The following OMA1 variants were observed in gnomAD, a reference collection of about 807,000 sequenced individuals.
OMA1 encodes OMA1 zinc metallopeptidase, also known as metalloendopeptidase OMA1, mitochondrial.
In OMA1, 38 loss-of-function variants were observed where a neutral mutation model predicts 30.9. The ratio of observed to expected loss-of-function variants is 1.23; its 90% CI spans 0.95 to 1.61. OMA1 has a LOEUF of 1.61. Ranked by LOEUF, OMA1 falls within the 40% of genes most tolerant of loss-of-function variation. The pLI, the probability that OMA1 is intolerant of heterozygous loss-of-function variation, is 0.00. For missense variants in OMA1, 461 were observed against 349.2 expected (o/e 1.32, Z -2.55); for synonymous variants, 173 against 121.9 (o/e 1.42, Z -2.76).
chr1:58,490,316 T>G lies in OMA1; in HGVS notation c.1366-9142A>C, dbSNP rs572583100. Among the ~76,000 whole-genome samples the G allele has an allele frequency of 5.3e-5, 8 of 152,342 alleles. No individual in the cohort carries two copies. The South Asian group carries it at 1.7e-3, about 32-fold the overall frequency. ...GAATGCACAAGCCTCAGTAGCCGAT[T>G]CGATCAACTGGAAGAAAAGGTATCA... On this transcript the variant is annotated intron_variant, in intron 8 of 8. Coordinates refer to ENST00000371226, the MANE Select transcript of OMA1 (RefSeq NM_145243.5).
chr1:58,546,375 G>A (rs969964634), intron 1 of OMA1, among the ~76,000 whole-genome samples: 2 of 152,208 alleles, frequency 1.3e-5, no homozygotes, highest in Non-Finnish European at 2.9e-5. Flanking sequence ...CTGAGGGGGA[G>A]GGCAGGCGGC....
At chr1:58,495,054 T>C (rs1012203125) in intron 8 of OMA1, among the ~76,000 whole-genome samples, 5 of 152,002 alleles carry the variant, frequency 3.3e-5, no homozygotes, top group Non-Finnish European at 7.4e-5. Context: ...ATTAAGAAAA[T>C]GTGGCACATA....
chr1:58,528,366 T>C (rs1259848605), intron 6 of OMA1, among the ~76,000 whole-genome samples: 1 of 152,194 alleles, frequency 6.6e-6, no homozygotes, highest in Non-Finnish European at 1.5e-5. Context: ...ATGAAGCTAG[T>C]AACAGTTCCA....
chr1:58,501,739 C>T lies in OMA1; in HGVS notation c.1365+4321G>A, dbSNP rs183224272. 5.5e-3 allele frequency among the ~76,000 whole-genome samples: 837 copies of T among 152,272 alleles called. 5 individuals are homozygous for T. The highest frequency in any genetic ancestry group is 8.1e-3 in the Non-Finnish European group (548 of 68,020). On this transcript the variant is annotated intron_variant, in intron 8 of 8. Coordinates refer to ENST00000371226, the MANE Select transcript of OMA1 (RefSeq NM_145243.5). Reference sequence around the variant, plus strand: ...ATCTCTGCTCACACATAACTGTGTGCTAAGGACTCATGTGTTCCTCTAAAA... The same window carrying T: ...ATCTCTGCTCACACATAACTGTGTGTTAAGGACTCATGTGTTCCTCTAAAA...
At chr1:58,520,023 C>T (rs1156370387) in intron 7 of OMA1, among the ~76,000 whole-genome samples, 1 of 152,072 alleles carries the variant, frequency 6.6e-6, no homozygotes, top group Non-Finnish European at 1.5e-5. Context: ...CATGTTCTCA[C>T]TCATAAGGGG....
At chr1:58,504,651 T>G (rs1200726784) in intron 8 of OMA1, among the ~76,000 whole-genome samples, 1 of 152,208 alleles carries the variant, frequency 6.6e-6, no homozygotes, top group East Asian at 1.9e-4. Flanking sequence ...GAACACAGAA[T>G]AGTAGATTAA....
In OMA1 at chr1:58,500,600, T is replaced by G. The variant is rs371444957; in HGVS notation, c.1365+5460A>C. Among the ~76,000 whole-genome samples the G allele has an allele frequency of 2.6e-5, 4 of 152,230 alleles. No homozygotes were observed. The East Asian group carries it at 7.7e-4, about 29-fold the overall frequency. On this transcript the variant is annotated intron_variant, in intron 8 of 8. Coordinates refer to ENST00000371226, the MANE Select transcript of OMA1 (RefSeq NM_145243.5). ...GAATGAAGTGAATTTGATAAAGATTTTTTTAAGTTTCTGAATAAAGCCAGT... is the reference window on the plus strand; with the variant it reads ...GAATGAAGTGAATTTGATAAAGATTGTTTTAAGTTTCTGAATAAAGCCAGT...
At chr1:58,518,349 A>AAGG (rs1646204855) in intron 7 of OMA1, among the ~76,000 whole-genome samples, 2 of 59,734 alleles carry the variant, frequency 3.3e-5, no homozygotes, top group African/African-American at 1.3e-4. Context: ...AGAAGAGAAG[A>AAGG]GAAGGGAAGG....
intron 8 of OMA1, among the ~76,000 whole-genome samples, chr1:58,504,030 A>T (rs994407829): frequency 3.9e-5 from 6 of 152,168 alleles, no homozygotes; most frequent in Admixed American, 3.3e-4. Context: ...ATCTCCTACC[A>T]GGATTATGAG....
In OMA1 at chr1:58,481,074, T is replaced by C. The variant is rs759625508; in HGVS notation, c.1466A>G (p.Glu489Gly). ...LSTKHFLEES[E>G]KEDLNITKKQ... ...CTTCGTGATATTTAGGTCTTCTTTCTCTGATTCTTCAAGAAAATGCTTCGT... is the reference window on the plus strand; with the variant it reads ...CTTCGTGATATTTAGGTCTTCTTTCCCTGATTCTTCAAGAAAATGCTTCGT... Residue 489 changes from glutamate (E) to glycine (G), a missense_variant, in exon 9 of 9, where the codon GAG (glutamate) becomes GGG (glycine). Transcript: ENST00000371226. The C allele has an allele frequency of 1.1e-5, 10 of 872,024 alleles. No homozygotes were observed. 54.0% of individuals were successfully genotyped at this position (872,024 alleles called of 1,614,324 possible). A position where few individuals can be genotyped will look rare whatever the true frequency, so the allele number is the denominator to read the frequency against.
chr1:58,508,048 T>A lies in OMA1; in HGVS notation c.1216-1839A>T, dbSNP rs1646016931. ...TTAATCAAAAGACAAAATATTTCCCTATTCAATCTCTAAGTAACACAGCTG... is the reference window on the plus strand; with the variant it reads ...TTAATCAAAAGACAAAATATTTCCCAATTCAATCTCTAAGTAACACAGCTG... On this transcript the variant is annotated intron_variant, in intron 7 of 8. Transcript: ENST00000371226. 5.3e-5 allele frequency among the ~76,000 whole-genome samples: 8 copies of A among 152,310 alleles called. 1 individual carries two copies. The South Asian group carries it at 1.7e-3, about 32-fold the overall frequency.
chr1:58,525,868 T>A (rs1336472634), intron 7 of OMA1, among the ~76,000 whole-genome samples: 1 of 151,978 alleles, frequency 6.6e-6, no homozygotes, highest in African/African-American at 2.4e-5. Flanking sequence ...AACAAGCCAA[T>A]GGAACAGAAT....
intron 3 of OMA1, among the ~76,000 whole-genome samples, chr1:58,535,120 A>G (rs1646496068): frequency 6.6e-6 from 1 of 152,194 alleles, no homozygotes; most frequent in South Asian, 2.1e-4. Flanking sequence ...TTGAAAGGAA[A>G]TTACTGAATT....
intron 7 of OMA1, among the ~76,000 whole-genome samples, chr1:58,508,135 C>T (rs1646018136): frequency 6.6e-6 from 1 of 152,130 alleles, no homozygotes; most frequent in South Asian, 2.1e-4. Flanking sequence ...ATTATCCCTA[C>T]AGACTAGAAA....
rs138875607 is a variant in OMA1, at chr1:58,538,942, C to T, written c.353G>A (p.Ser118Asn). Residue 118 changes from serine (S) to asparagine (N), a missense_variant, in exon 2 of 9, where the codon AGT (serine) becomes AAT (asparagine). By Grantham distance (46) the Ser-to-Asn change is conservative. Transcript: ENST00000371226. ...LLIKEVTAVP[S>N]LSVLHPLSPA... is the part of the protein sequence containing the mutation. ...GCTTAGAGGATGCAATACTGACAGA[C>T]TAGGGACTGCTGTAACTTCTTTTAT... The T allele has an allele frequency of 7.1e-5, 62 of 872,868 alleles. No individual in the cohort carries two copies. In the African/African-American group the frequency reaches 9.1e-4, roughly 13 times the overall value. 54.1% of individuals were successfully genotyped at this position (872,868 alleles called of 1,614,324 possible).
intron 8 of OMA1, among the ~76,000 whole-genome samples, chr1:58,482,496 A>G (rs1645504762): frequency 6.6e-6 from 1 of 152,218 alleles, no homozygotes; most frequent in Admixed American, 6.5e-5. Context: ...CTTAATATTT[A>G]GGAGTTTTAA....
At chr1:58,543,953 G>A (rs939897862) in intron 1 of OMA1, among the ~76,000 whole-genome samples, 2 of 152,162 alleles carry the variant, frequency 1.3e-5, no homozygotes, top group African/African-American at 2.4e-5. Flanking sequence ...TTTTAACTCA[G>A]TTAAATGGCC....
chr1:58,524,977 G>A (rs1038893779), intron 7 of OMA1, among the ~76,000 whole-genome samples: 1 of 152,152 alleles, frequency 6.6e-6, no homozygotes, highest in Non-Finnish European at 1.5e-5. Context: ...GCAACAGGAA[G>A]TGAATACAAA....
chr1:58,509,819 T>C (rs967909076), intron 7 of OMA1, among the ~76,000 whole-genome samples: 1 of 151,888 alleles, frequency 6.6e-6, no homozygotes, highest in African/African-American at 2.4e-5. Context: ...CAGCATACCA[T>C]TGTAACTGAT....
Sources: gnomAD v4.1 joint callset for allele counts (sites outside exome capture counted in the v4.1 genomes callset) on GRCh38, gnomAD v4.1.1 for gene constraint, MANE v1.5 for transcripts, NCBI Gene and HGNC (gene_info 2026-07-23, HGNC 2026-07-21) for gene names.